PTPN4: variants seen among roughly 807,000 people sequenced by gnomAD.
PTPN4 encodes the protein protein tyrosine phosphatase non-receptor type 4.
Under a neutral mutation model 135.5 loss-of-function variants are expected in PTPN4, and 49 were observed. The ratio of observed to expected loss-of-function variants is 0.36; its 90% CI spans 0.29 to 0.46. The LOEUF (loss-of-function observed/expected upper bound fraction) is 0.46. PTPN4 is among the 20% of genes least tolerant of loss of function. The probability of loss-of-function intolerance (pLI) is 1.00; values close to 1 mark genes in which losing one functional copy is unlikely to be tolerated. For missense variants in PTPN4, 860 were observed against 1,101.0 expected (o/e 0.78, Z 3.10); for synonymous variants, 333 against 369.9 (o/e 0.90, Z 1.14).
At chr2:119,880,370 A>G (rs539187671) in intron 5 of PTPN4, among the ~76,000 whole-genome samples, 2 of 152,304 alleles carry the variant, frequency 1.3e-5, no homozygotes, top group East Asian at 3.9e-4. Flanking sequence ...AAGGATATGC[A>G]TGACCTTTAA....
At chr2:119,797,503 A>G (rs887878388) in intron 1 of PTPN4, among the ~76,000 whole-genome samples, 6 of 152,128 alleles carry the variant, frequency 3.9e-5, no homozygotes, top group African/African-American at 9.7e-5. Flanking sequence ...AAAGTGCTCA[A>G]TTTTTTGCCA....
chr2:119,808,764 T>C (rs943775728), intron 1 of PTPN4, among the ~76,000 whole-genome samples: 1 of 152,188 alleles, frequency 6.6e-6, no homozygotes, highest in African/African-American at 2.4e-5. Context: ...AAGCGTCTCC[T>C]TGTCAACATA....
chr2:119,770,962 C>G (rs896254088), intron 1 of PTPN4, among the ~76,000 whole-genome samples: 2 of 151,902 alleles, frequency 1.3e-5, no homozygotes, highest in African/African-American at 4.8e-5. Flanking sequence ...TCACTGCAAC[C>G]GCTGGCTCCT....
chr2:119,872,240 C>G (rs550171813), intron 3 of PTPN4, among the ~76,000 whole-genome samples: 1 of 152,152 alleles, frequency 6.6e-6, no homozygotes, highest in South Asian at 2.1e-4. Flanking sequence ...TTTACTGGAT[C>G]TAGTGACTCT....
chr2:119,798,168 C>CTT (rs201921444), intron 1 of PTPN4, among the ~76,000 whole-genome samples: 7 of 142,222 alleles, frequency 4.9e-5, no homozygotes, highest in Admixed American at 7.1e-5. Flanking sequence ...ACTGCAACAT[C>CTT]TTTTTTTTTT....
chr2:119,794,770 C>T (rs1241449487), intron 1 of PTPN4, among the ~76,000 whole-genome samples: 2 of 152,030 alleles, frequency 1.3e-5, no homozygotes. Context: ...GTTTGTGTTA[C>T]AGCTCTTTTA....
At chr2:119,891,341 G>T (rs1274310140) in intron 9 of PTPN4, among the ~76,000 whole-genome samples, 3 of 152,006 alleles carry the variant, frequency 2.0e-5, no homozygotes, top group Admixed American at 2.0e-4. Context: ...GTTTGTTTTT[G>T]AGACGGAGTC....
chr2:119,840,470 T>C (rs537727436), intron 2 of PTPN4, among the ~76,000 whole-genome samples: 1 of 152,374 alleles, frequency 6.6e-6, no homozygotes, highest in African/African-American at 2.4e-5. Flanking sequence ...TACCACATTT[T>C]CCTAATCCAG....
chr2:119,926,732 T>A (rs1226200998), intron 13 of PTPN4, 66 bp downstream of exon 13: 5 of 1,234,824 alleles, frequency 4.0e-6, no homozygotes, highest in African/African-American at 3.0e-5. Context: ...CTAAAAAGTT[T>A]TTCTAAATAT....
At chr2:119,937,492 T>C (rs1678999773) in intron 15 of PTPN4, among the ~76,000 whole-genome samples, 1 of 152,204 alleles carries the variant, frequency 6.6e-6, no homozygotes, top group African/African-American at 2.4e-5. Flanking sequence ...ACACAGCATG[T>C]GAATTGGATG....
chr2:119,768,885 G>T (rs1322403773), intron 1 of PTPN4, among the ~76,000 whole-genome samples: 1 of 152,140 alleles, frequency 6.6e-6, no homozygotes, highest in Non-Finnish European at 1.5e-5. Context: ...AATTCAAAAA[G>T]GTCTGTGTCT....
At chr2:119,939,831 T>C (rs1433674538) in intron 15 of PTPN4, among the ~76,000 whole-genome samples, 2 of 152,096 alleles carry the variant, frequency 1.3e-5, no homozygotes, top group Non-Finnish European at 2.9e-5. Context: ...AGTCTAGCAA[T>C]ATATTGTGAA....
chr2:119,871,257 G>T (rs952537183), intron 3 of PTPN4, among the ~76,000 whole-genome samples: 14 of 151,164 alleles, frequency 9.3e-5, no homozygotes, highest in African/African-American at 3.2e-4. Flanking sequence ...TGGTGAGAGT[G>T]TAAAGTGAAA....
chr2:119,922,216 T>C (rs1280297644), intron 12 of PTPN4, among the ~76,000 whole-genome samples: 1 of 116,578 alleles, frequency 8.6e-6, no homozygotes, highest in Admixed American at 8.3e-5. Flanking sequence ...GACAATCTGA[T>C]TTAAAAAAAA....
At position 119,940,826 on chromosome 2, in the gene PTPN4, T is replaced by TA. The variant is rs891869741; in HGVS notation, c.1356-4247dup. ...GTACAATTGTGCCTTTACCGTTTTTTAAAAAAAATTCATGATTTTCAAGGG... is the reference window on the plus strand; with the variant it reads ...GTACAATTGTGCCTTTACCGTTTTTTAAAAAAAAATTCATGATTTTCAAGGG... On this transcript the variant is annotated intron_variant, in intron 15 of 26. Transcript: ENST00000263708. Among the ~76,000 whole-genome samples, 7 of 152,206 alleles carry TA rather than the reference T, an allele frequency of 4.6e-5. No individual in the cohort carries two copies. The East Asian group carries it at 7.7e-4, about 17-fold the overall frequency.
At chr2:119,895,603 G>T (rs1160044584) in intron 9 of PTPN4, among the ~76,000 whole-genome samples, 1 of 151,534 alleles carries the variant, frequency 6.6e-6, no homozygotes. Flanking sequence ...CGCGCCACTG[G>T]ACAAGAGCGA....
rs767506869 is a variant in PTPN4, at chr2:119,984,524, G to T, written c.*7454G>T. Among the ~76,000 whole-genome samples, 18 of 152,032 alleles carry T rather than the reference G, an allele frequency of 1.2e-4. No homozygotes were observed. The highest frequency in any genetic ancestry group is 2.5e-4 in the Non-Finnish European group (17 of 67,994). ...TCATAATTGAGGCAAAGAAGCTAAG[G>T]GTTTATTTAAAATGTGTATAAGCTT... On this transcript the variant is annotated 3_prime_UTR_variant, in exon 27 of 27. Transcript: ENST00000263708.
At chr2:119,823,308 C>G (rs947329119) in intron 2 of PTPN4, among the ~76,000 whole-genome samples, 2 of 151,414 alleles carry the variant, frequency 1.3e-5, no homozygotes, top group Non-Finnish European at 2.9e-5. Context: ...GATCTCCGCT[C>G]ACTGCAAGCT....
intron 1 of PTPN4, among the ~76,000 whole-genome samples, chr2:119,777,411 T>A (rs977987720): frequency 2.6e-5 from 4 of 152,176 alleles, no homozygotes; most frequent in Non-Finnish European, 5.9e-5. Context: ...CTATATATAT[T>A]TTTTTCTTTC....
Sources: gnomAD v4.1 joint callset for allele counts (sites outside exome capture counted in the v4.1 genomes callset) on GRCh38, gnomAD v4.1.1 for gene constraint, MANE v1.5 for transcripts, NCBI Gene and HGNC (gene_info 2026-07-23, HGNC 2026-07-21) for gene names.